Variants in DOT1L observed in about 807,000 individuals in gnomAD.
DOT1L encodes the protein histone-lysine N-methyltransferase, H3 lysine-79 specific.
In DOT1L, 33 loss-of-function variants were observed where a neutral mutation model predicts 153.3. The ratio of observed to expected loss-of-function variants is 0.22; its 90% CI spans 0.16 to 0.29. The LOEUF (loss-of-function observed/expected upper bound fraction) is 0.29, where lower values mean the gene tolerates loss of function less well. Among genes scored for constraint, DOT1L ranks in the 10% least tolerant of loss-of-function variants. The pLI is 1.00. For missense variants in DOT1L, 1,847 were observed against 2,119.9 expected (o/e 0.87, Z 2.53); for synonymous variants, 1,135 against 965.1 (o/e 1.18, Z -3.26).
rs1298159730 is a variant in DOT1L, at chr19:2,217,185, T to A, written c.2544+95T>A. ...CAGGAGGGCTTGTCCTAGTTGACCTTGGGGCACGGTGAGGTACTGGGGCTG... is the reference window on the plus strand; with the variant it reads ...CAGGAGGGCTTGTCCTAGTTGACCTAGGGGCACGGTGAGGTACTGGGGCTG... On this transcript the variant is annotated intron_variant, in intron 21 of 27. Transcript: ENST00000398665. This position sits in a 1 kb window ranked among gnomAD's most constrained non-coding sequence, Gnocchi z 7.3. 9.0e-6 allele frequency: 13 copies of A among 1,439,310 alleles called. No homozygotes were observed. Among genetic ancestry groups the A allele is most frequent in the Non-Finnish European group, 1.1e-5 (12 of 1,095,724 alleles). 89.2% of individuals were successfully genotyped at this position (1,439,310 alleles called of 1,614,324 possible).
intron 1 of DOT1L, among the ~76,000 whole-genome samples, chr19:2,179,175 G>C (rs960344816): frequency 6.6e-6 from 1 of 152,192 alleles, no homozygotes; most frequent in Non-Finnish European, 1.5e-5. Flanking sequence ...GGGTTATACT[G>C]AGGTTCTGCA....
In DOT1L at chr19:2,218,685, G is replaced by GCGC. The variant is rs1429556272; in HGVS notation, c.2691+767_2691+768insCGC. On this transcript the variant is annotated intron_variant, in intron 22 of 27. Coordinates refer to ENST00000398665, the MANE Select transcript of DOT1L (RefSeq NM_032482.3). Reference sequence around the variant, plus strand: ...TGGGATTACAGGCGTGAGCCACGACGTCTGGCCTCTTTCTTTTTTTTTATT... The same window carrying GCGC: ...TGGGATTACAGGCGTGAGCCACGACGCGCTCTGGCCTCTTTCTTTTTTTTTATT... Among the ~76,000 whole-genome samples the GCGC allele has an allele frequency of 2.0e-5, 3 of 150,474 alleles. No individual in the cohort carries two copies. In the East Asian group the frequency reaches 5.9e-4, roughly 30 times the overall value.
chr19:2,179,772 A>T (rs1429418661), intron 1 of DOT1L, among the ~76,000 whole-genome samples: 1 of 151,618 alleles, frequency 6.6e-6, no homozygotes, highest in Non-Finnish European at 1.5e-5. Context: ...GCACCACTTC[A>T]CTCCAGCCTG....
At chr19:2,166,732 C>T (rs568002798) in intron 1 of DOT1L, among the ~76,000 whole-genome samples, 23 of 152,324 alleles carry the variant, frequency 1.5e-4, no homozygotes, top group African/African-American at 4.6e-4. Context: ...CGTATATCTT[C>T]CTCTTTCAGT....
intron 27 of DOT1L, chr19:2,227,662 A>C: frequency 7.9e-7 from 1 of 1,262,362 alleles, no homozygotes; most frequent in South Asian, 1.3e-5. Flanking sequence ...CCTTTTTGTG[A>C]GCCTGCGGCT....
In DOT1L at chr19:2,204,409, G is replaced by A. The variant is rs1320645027; in HGVS notation, c.787+1630G>A. ...TGTTTCTGACTTATCTTAGAACCAC[G>A]TGAGGACACCATGCTTCCCCGCCCA... is the stretch of plus-strand genomic sequence containing the variant. On this transcript the variant is annotated intron_variant, in intron 9 of 27. Coordinates refer to ENST00000398665, the MANE Select transcript of DOT1L (RefSeq NM_032482.3). This position sits in a 1 kb window ranked among gnomAD's most constrained non-coding sequence, Gnocchi z 5.7. 1.3e-5 allele frequency among the ~76,000 whole-genome samples: 2 copies of A among 152,030 alleles called. No homozygotes were observed. Among genetic ancestry groups the A allele is most frequent in the Admixed American group, 6.6e-5 (1 of 15,262 alleles).
At chr19:2,223,066 A>T (rs2024187971) in intron 24 of DOT1L, among the ~76,000 whole-genome samples, 1 of 151,622 alleles carries the variant, frequency 6.6e-6, no homozygotes, top group South Asian at 2.1e-4. Flanking sequence ...GGTGGTGGGC[A>T]CATCAGGAGG....
At chr19:2,178,787 T>C (rs1452225285) in intron 1 of DOT1L, among the ~76,000 whole-genome samples, 1 of 151,924 alleles carries the variant, frequency 6.6e-6, no homozygotes, top group African/African-American at 2.4e-5. Flanking sequence ...GGATGGTCTC[T>C]ATCTCCTGAC....
intron 27 of DOT1L, chr19:2,228,272 G>A (rs1158435642): frequency 7.4e-7 from 1 of 1,358,548 alleles, no homozygotes; most frequent in Non-Finnish European, 9.8e-7. Flanking sequence ...GCGCCACGGG[G>A]CCGTCCGCGG....
At chr19:2,213,749 G>A (rs2144850632) in intron 17 of DOT1L, 100 bp from the exon 18 acceptor site, 2 of 1,601,314 alleles carry the variant, frequency 1.2e-6, no homozygotes, top group Non-Finnish European at 1.7e-6. Context: ...CCTCTGTCCA[G>A]CTGTGTCCCA....
At chr19:2,198,849 C>T (rs2023130574) in intron 7 of DOT1L, among the ~76,000 whole-genome samples, 1 of 152,198 alleles carries the variant, frequency 6.6e-6, no homozygotes. Flanking sequence ...AGCGTGGCGT[C>T]CTCAAGGTGC....
At chr19:2,174,953 A>AAT (rs201612615) in intron 1 of DOT1L, among the ~76,000 whole-genome samples, 3 of 110,276 alleles carry the variant, frequency 2.7e-5, no homozygotes, top group Non-Finnish European at 3.9e-5. Context: ...TAAGTTTTTA[A>AAT]ATATATGTGT....
At position 2,164,240 on chromosome 19, in the gene DOT1L, T is replaced by C; in HGVS notation, c.56T>C (p.Val19Ala). 7.8e-7 allele frequency: 1 copy of C among 1,275,922 alleles called. No homozygotes were observed. Among genetic ancestry groups the C allele is most frequent in the Non-Finnish European group, 9.9e-7 (1 of 1,007,762 alleles). 79.0% of individuals were successfully genotyped at this position (1,275,922 alleles called of 1,614,324 possible). A position where few individuals can be genotyped will look rare whatever the true frequency, so the allele number is the denominator to read the frequency against. The part of the protein sequence containing the change: ...LKSPVGAEPA[V>A]YPWPLPVYDK... ...TCGCCCGTGGGGGCTGAGCCCGCCG[T>C]CTACCCGTGGCCGCTGCCGGTCTAC... The change falls in exon 1 of 28, where the codon GTC becomes GCC. Residue 19 changes from valine to alanine, a missense_variant. Val to Ala is a moderately conservative substitution (Grantham distance 64). Transcript: ENST00000398665.
In DOT1L at chr19:2,217,837, G is replaced by C. The variant is rs373489769; in HGVS notation, c.2610G>C (p.Pro870=). The stretch of plus-strand genomic sequence containing the variant: ...TCACCAGCCTGCCCATCAGCATCCC[G>C]CTCAGCACCGTGCAGCCCAACAAGC... ...ELITSLPISI[P]LSTVQPNKLP... is the part of the protein sequence containing the mutation. Residue 870 remains proline, a synonymous_variant, in exon 22 of 28, where the codon CCG becomes CCC. Transcript: ENST00000398665. The surrounding 1 kb of genome is among the most constrained non-coding windows in gnomAD (Gnocchi z 7.3). The C allele has an allele frequency of 6.2e-7, 1 of 1,610,796 alleles. No individual in the cohort carries two copies. Among genetic ancestry groups the C allele is most frequent in the African/African-American group, 1.3e-5 (1 of 74,992 alleles).
intron 8 of DOT1L, among the ~76,000 whole-genome samples, chr19:2,201,627 T>C (rs1027004384): frequency 1.3e-5 from 2 of 152,260 alleles, no homozygotes; most frequent in Non-Finnish European, 2.9e-5. Flanking sequence ...GGAATCGTGC[T>C]GACCCTGTGG....
Position 2,207,689 on chromosome 19 carries a change from C to G in DOT1L, c.963+9C>G. The G allele has an allele frequency of 6.2e-7, 1 of 1,604,806 alleles. No homozygotes were observed. The highest frequency in any genetic ancestry group is 8.5e-7 in the Non-Finnish European group (1 of 1,176,062). On this transcript the variant is annotated intron_variant, in intron 11 of 27. Coordinates refer to ENST00000398665, the MANE Select transcript of DOT1L (RefSeq NM_032482.3). The surrounding 1 kb of genome is among the most constrained non-coding windows in gnomAD (Gnocchi z 4.5). ...CTATCGACCGCACCATAGTGAGTAT[C>G]TCGCTGCGCCTCAGCCGCAGGGCCG...
In DOT1L at chr19:2,223,353, G is replaced by A. The variant is rs754301919; in HGVS notation, c.3463G>A (p.Val1155Met). ...GGAGACCTCCCTGAAGAGCTCCCCTGTGCCCTACCAGGACCACGACCAGCC... is the reference window on the plus strand; with the variant it reads ...GGAGACCTCCCTGAAGAGCTCCCCTATGCCCTACCAGGACCACGACCAGCC... Reference protein sequence around the residue: ...SPETSLKSSPVPYQDHDQPPV... With the variant: ...SPETSLKSSPMPYQDHDQPPV... Residue 1155 changes from valine (V) to methionine (M), a missense_variant, in exon 25 of 28, where the codon GTG becomes ATG. This residue lies in a region of DOT1L where 934 missense variants were observed against 825.3 expected (regional missense o/e 1.13). Coordinates refer to ENST00000398665, the MANE Select transcript of DOT1L (RefSeq NM_032482.3). The A allele has an allele frequency of 6.8e-6, 11 of 1,613,648 alleles. No individual in the cohort carries two copies. The highest frequency in any genetic ancestry group is 7.6e-6 in the Non-Finnish European group (9 of 1,179,978).
At chr19:2,218,588 T>A (rs1284846929) in intron 22 of DOT1L, among the ~76,000 whole-genome samples, 1 of 151,318 alleles carries the variant, frequency 6.6e-6, no homozygotes, top group East Asian at 2.0e-4. Flanking sequence ...AGAGATGGGG[T>A]TTCACCGTGT....
chr19:2,226,594 G>C lies in DOT1L; in HGVS notation c.4073G>C (p.Gly1358Ala). The C allele has an allele frequency of 6.3e-7, 1 of 1,598,852 alleles. No individual in the cohort carries two copies. Among genetic ancestry groups the C allele is most frequent in the Non-Finnish European group, 8.5e-7 (1 of 1,177,046 alleles). The change falls in exon 27 of 28, where the codon GGC (glycine) becomes GCC (alanine). Residue 1358 changes from glycine (G) to alanine (A), a missense_variant. Transcript: ENST00000398665. ...SSPLSFPSQR[G>A]KEGSDANPFL... ...CCGCTGAGCTTCCCCTCGCAGCGCG[G>C]CAAGGAGGGCTCGGACGCCAACCCT...
Sources: gnomAD v4.1 joint callset for allele counts (sites outside exome capture counted in the v4.1 genomes callset) on GRCh38, gnomAD v4.1.1 for gene constraint, gnomAD v4.1.1 regional missense constraint, Gnocchi (gnomAD v3.1) non-coding constraint, MANE v1.5 for transcripts, NCBI Gene and HGNC (gene_info 2026-07-23, HGNC 2026-07-21) for gene names.